COL22A1: variants seen among roughly 807,000 people sequenced by gnomAD.
COL22A1 encodes the protein collagen alpha-1(XXII) chain.
Under a neutral mutation model 248.9 loss-of-function variants are expected in COL22A1, and 221 were observed. The observed-to-expected ratio is 0.89, with a 90% CI of 0.80 to 0.99. The LOEUF (loss-of-function observed/expected upper bound fraction) is 0.99, where lower values mean the gene tolerates loss of function less well. COL22A1 is among the 50% of genes least tolerant of loss of function. The pLI is 0.00. For missense variants in COL22A1, 2,240 were observed against 2,179.0 expected (o/e 1.03, Z -0.56); for synonymous variants, 891 against 793.4 (o/e 1.12, Z -2.07).
chr8:138,778,548 G>C (rs976752473), intron 14 of COL22A1, 142 bp from the exon 15 acceptor site: 1 of 684,894 alleles, frequency 1.5e-6, no homozygotes, highest in Non-Finnish European at 2.4e-6. Context: ...TGTTGGCACA[G>C]GTCTCGCCAG....
intron 41 of COL22A1, among the ~76,000 whole-genome samples, chr8:138,670,434 T>G (rs935507947): frequency 2.4e-4 from 37 of 152,150 alleles, no homozygotes; most frequent in Non-Finnish European, 4.3e-4. Flanking sequence ...AGCTGGGGCC[T>G]GGGGTAACCA....
At chr8:138,843,729 G>A (rs528213652) in intron 4 of COL22A1, among the ~76,000 whole-genome samples, 25 of 152,164 alleles carry the variant, frequency 1.6e-4, no homozygotes, top group Middle Eastern at 3.4e-3. Context: ...ATTCACTCTC[G>A]CTTTCACTCC....
chr8:138,808,391 G>T (rs10086199), intron 9 of COL22A1, among the ~76,000 whole-genome samples: 1 of 151,812 alleles, frequency 6.6e-6, no homozygotes, highest in African/African-American at 2.4e-5. Flanking sequence ...AACCCAAAGG[G>T]GTATTCACTA....
intron 39 of COL22A1, 73 bp from the exon 40 acceptor site, chr8:138,679,749 C>T: frequency 7.3e-7 from 1 of 1,362,686 alleles, no homozygotes; most frequent in East Asian, 2.3e-5. Flanking sequence ...AATTCAGCCC[C>T]TCTGTTAGGT....
At chr8:138,884,575 G>A (rs977117555) in intron 1 of COL22A1, among the ~76,000 whole-genome samples, 2 of 152,076 alleles carry the variant, frequency 1.3e-5, no homozygotes, top group African/African-American at 2.4e-5. Context: ...GGAGTACGTC[G>A]GGAGCAAACT....
At chr8:138,856,238 A>C (rs1031168558) in intron 3 of COL22A1, among the ~76,000 whole-genome samples, 10 of 152,114 alleles carry the variant, frequency 6.6e-5, no homozygotes, top group African/African-American at 2.4e-4. Context: ...CTGTGTGAGC[A>C]CTCCCAACAG....
At chr8:138,850,811 T>A (rs1821586335) in intron 3 of COL22A1, among the ~76,000 whole-genome samples, 1 of 152,128 alleles carries the variant, frequency 6.6e-6, no homozygotes, top group African/African-American at 2.4e-5. Context: ...GAGGCGAAAG[T>A]CCCTCCCCTT....
chr8:138,682,481 A>C (rs1185392416), intron 39 of COL22A1, among the ~76,000 whole-genome samples: 1 of 152,218 alleles, frequency 6.6e-6, no homozygotes, highest in African/African-American at 2.4e-5. Flanking sequence ...AAACATTCTC[A>C]AGTCAGTCAT....
intron 12 of COL22A1, among the ~76,000 whole-genome samples, chr8:138,787,682 G>A (rs953543701): frequency 1.3e-5 from 2 of 152,166 alleles, no homozygotes; most frequent in African/African-American, 4.8e-5. Flanking sequence ...CAGAGAAGAG[G>A]GGCTTCCCTG....
intron 64 of COL22A1, 140 bp downstream of exon 64, chr8:138,591,284 G>A (rs1817016364): frequency 9.1e-6 from 4 of 437,336 alleles, no homozygotes; most frequent in South Asian, 1.8e-4. Flanking sequence ...AACCAAGTGA[G>A]TGATCTCTGT....
intron 56 of COL22A1, among the ~76,000 whole-genome samples, chr8:138,610,133 G>A (rs1023586917): frequency 6.6e-6 from 1 of 152,158 alleles, no homozygotes; most frequent in Non-Finnish European, 1.5e-5. Context: ...TGTGATCTTG[G>A]GCAAGTTACT....
At chr8:138,707,918 G>T (rs544684826) in intron 30 of COL22A1, among the ~76,000 whole-genome samples, 2 of 152,306 alleles carry the variant, frequency 1.3e-5, no homozygotes, top group South Asian at 4.1e-4. Flanking sequence ...TCCTTAAGCT[G>T]AGAAGCAACT....
At chr8:138,881,642 G>A (rs1007706787) in intron 2 of COL22A1, among the ~76,000 whole-genome samples, 3 of 152,222 alleles carry the variant, frequency 2.0e-5, no homozygotes, top group Non-Finnish European at 2.9e-5. Context: ...CCGAGATCAC[G>A]CCGCTGCACT....
chr8:138,767,941 T>A (rs1460423056), intron 16 of COL22A1, among the ~76,000 whole-genome samples: 9 of 152,196 alleles, frequency 5.9e-5, no homozygotes, highest in Admixed American at 5.2e-4. Context: ...AAACCATTCA[T>A]ATAACATGGG....
Position 138,630,735 on chromosome 8 carries a change from A to G in COL22A1, c.3623T>C (p.Ile1208Thr), listed in dbSNP as rs749241897. 1.1e-5 allele frequency: 17 copies of G among 1,613,854 alleles called. No individual in the cohort carries two copies. Among genetic ancestry groups the G allele is most frequent in the Middle Eastern group, 1.6e-4 (1 of 6,078 alleles). Reference protein sequence around the residue: ...GNPGPPGADGIAGAAGPPGIQ... With the variant: ...GNPGPPGADGTAGAAGPPGIQ... ...TCCTGGTGGTCCAGCAGCTCCTGCAATTCCATCTGCCCCCTAAAAAAGACA... is the reference window on the plus strand; with the variant it reads ...TCCTGGTGGTCCAGCAGCTCCTGCAGTTCCATCTGCCCCCTAAAAAAGACA... The change falls in exon 50 of 65, where the codon ATT becomes ACT. Residue 1208 changes from isoleucine to threonine, a missense_variant. Coordinates refer to ENST00000303045, the MANE Select transcript of COL22A1 (RefSeq NM_152888.3).
At chr8:138,776,281 A>G (rs1487020107) in intron 15 of COL22A1, among the ~76,000 whole-genome samples, 2 of 152,190 alleles carry the variant, frequency 1.3e-5, no homozygotes, top group Admixed American at 6.5e-5. Flanking sequence ...CCTCACGGCC[A>G]TAGATTGGGA....
chr8:138,774,161 AAAGTT>A (rs1413100133), intron 16 of COL22A1, among the ~76,000 whole-genome samples: 1 of 152,146 alleles, frequency 6.6e-6, no homozygotes, highest in Admixed American at 6.5e-5. Context: ...TTTGCTTATT[AAAGTT>A]AAAATGATTA....
intron 1 of COL22A1, among the ~76,000 whole-genome samples, chr8:138,890,481 C>T (rs1240181059): frequency 2.0e-5 from 3 of 152,052 alleles, no homozygotes; most frequent in Admixed American, 1.3e-4. Flanking sequence ...TGGGGATTCA[C>T]TCTGTTTCAC....
intron 3 of COL22A1, among the ~76,000 whole-genome samples, chr8:138,847,682 G>A (rs1821345328): frequency 6.6e-6 from 1 of 151,960 alleles, no homozygotes; most frequent in Non-Finnish European, 1.5e-5. Flanking sequence ...ATGGGGTGGT[G>A]AGTTTACTTT....
Sources: allele counts gnomAD v4.1 joint callset (sites outside exome capture counted in the v4.1 genomes callset), GRCh38; gene constraint gnomAD v4.1.1; transcripts MANE v1.5; gene names NCBI Gene and HGNC (gene_info 2026-07-23, HGNC 2026-07-21).